Variants in RECQL observed in about 807,000 individuals in gnomAD.
The protein encoded by RECQL is RecQ like helicase, also known as ATP-dependent DNA helicase Q1.
RECQL carries 73 observed loss-of-function variants against 75.8 expected under a neutral mutation model. The ratio of observed to expected loss-of-function variants is 0.96; its 90% CI spans 0.80 to 1.17. The LOEUF (loss-of-function observed/expected upper bound fraction) is 1.17. Among genes scored for constraint, RECQL ranks in the 50% most tolerant of loss-of-function variants. The pLI, the probability that RECQL is intolerant of heterozygous loss-of-function variation, is 0.00. For synonymous variants in RECQL, 248 were observed against 254.4 expected, an observed-to-expected ratio of 0.97 and a Z score of 0.24; for missense variants, 699 against 772.1, an observed-to-expected ratio of 0.91 and a Z score of 1.12.
intron 7 of RECQL, 113 bp downstream of exon 7, chr12:21,477,690 G>A: frequency 2.6e-6 from 2 of 755,700 alleles, no homozygotes; most frequent in South Asian, 2.5e-5. Flanking sequence ...ACCTCCTAAT[G>A]TTAAAAATTT....
chr12:21,490,761 G>A (rs1181014235), intron 3 of RECQL, among the ~76,000 whole-genome samples: 1 of 152,076 alleles, frequency 6.6e-6, no homozygotes, highest in Admixed American at 6.5e-5. Flanking sequence ...GGCTGAGGAG[G>A]GAGGATTGCT....
chr12:21,498,608 A>C (rs916529369), intron 2 of RECQL, among the ~76,000 whole-genome samples: 1 of 152,192 alleles, frequency 6.6e-6, no homozygotes, highest in African/African-American at 2.4e-5. Context: ...GATCCTGACT[A>C]TTAAGGGGAA....
At position 21,501,487 on chromosome 12, in the gene RECQL, G is replaced by A. The variant is rs183492856; in HGVS notation, c.-363C>T. On this transcript the variant is annotated 5_prime_UTR_variant, in exon 1 of 15. Transcript: ENST00000444129. Reference sequence around the variant, plus strand: ...CCGAGAAGCCCGGTCTAACTCTCCGGTGTTTGACTGTCCGGTGTCCGACTG... The same window carrying A: ...CCGAGAAGCCCGGTCTAACTCTCCGATGTTTGACTGTCCGGTGTCCGACTG... 64 of 171,086 alleles carry A rather than the reference G, an allele frequency of 3.7e-4. No homozygotes were observed. Among genetic ancestry groups the A allele is most frequent in the Admixed American group, 1.0e-3 (16 of 15,966 alleles). 10.6% of individuals were successfully genotyped at this position (171,086 alleles called of 1,614,324 possible).
At chr12:21,497,316 T>C (rs1943526119) in intron 2 of RECQL, among the ~76,000 whole-genome samples, 1 of 151,814 alleles carries the variant, frequency 6.6e-6, no homozygotes, top group Admixed American at 6.6e-5. Context: ...TCAGTGTTAC[T>C]AAGGGAAAAA....
In RECQL at chr12:21,471,156, T is replaced by C; in HGVS notation, c.1668-58A>G. 9 of 1,480,638 alleles carry C rather than the reference T, an allele frequency of 6.1e-6. No homozygotes were observed. The South Asian group carries it at 1.2e-4, about 21-fold the overall frequency. The allele number at this position is 1,480,638 out of a possible 1,614,324, so 91.7% of individuals were successfully genotyped here. A position where few individuals can be genotyped will look rare whatever the true frequency, so the allele number is the denominator to read the frequency against. ...TTTTGAAGGAATCACGGAAAACAAA[T>C]TTATAAAAGAAATAACTATATGCGC... On this transcript the variant is annotated intron_variant, in intron 13 of 14. Transcript: ENST00000444129.
intron 2 of RECQL, among the ~76,000 whole-genome samples, chr12:21,494,887 T>C (rs1015958555): frequency 1.3e-5 from 2 of 152,168 alleles, no homozygotes; most frequent in Non-Finnish European, 2.9e-5. Flanking sequence ...ACGACAATGA[T>C]GGATTCCAAG....
rs142226004 is a variant in RECQL at position 21,473,573 on chromosome 12, G to A, written c.1425C>T (p.Cys475=). 25 of 1,612,198 alleles carry A rather than the reference G, an allele frequency of 1.6e-5. No individual in the cohort carries two copies. The highest frequency in any genetic ancestry group is 1.6e-4 in the Middle Eastern group (1 of 6,072). Residue 475 remains cysteine (C), a synonymous_variant, in exon 12 of 15, where the codon TGC becomes TGT. Transcript: ENST00000444129. The stretch of plus-strand genomic sequence containing the variant: ...CACCACTGTCTTTACAGCAGTTATC[G>A]CACATTTTGTTACATGCTTCTGAGT... ...VWNSEACNKM[C]DNCCKDSAFE... is the part of the protein sequence containing the mutation.
At chr12:21,477,092 GT>G (rs199669076) in intron 7 of RECQL, 100 bp from the exon 8 acceptor site, 13 of 741,694 alleles carry the variant, frequency 1.8e-5, no homozygotes, top group Middle Eastern at 2.6e-4. Flanking sequence ...TGACCATAGT[GT>G]TTTTTTTCCT....
chr12:21,481,918 G>T (rs1943199240), intron 6 of RECQL, among the ~76,000 whole-genome samples: 1 of 152,042 alleles, frequency 6.6e-6, no homozygotes, highest in African/African-American at 2.4e-5. Context: ...GAATGAAGAT[G>T]AGACCACTTG....
At chr12:21,497,022 C>T (rs1247148208) in intron 2 of RECQL, among the ~76,000 whole-genome samples, 1 of 152,164 alleles carries the variant, frequency 6.6e-6, no homozygotes, top group East Asian at 1.9e-4. Context: ...AAGCTCTTTG[C>T]CATTATCTAC....
In RECQL at chr12:21,486,591, A is replaced by C. The variant is rs777297872; in HGVS notation, c.395-6T>G. 1 of 1,557,620 alleles carries C rather than the reference A, an allele frequency of 6.4e-7. No homozygotes were observed. The highest frequency in any genetic ancestry group is 8.6e-7 in the Non-Finnish European group (1 of 1,156,614). ...GCAAATGACGAGTGTAAAACCTAAA[A>C]GAGAAAAAAAAAAAAATCTACCTTA... On this transcript the variant is annotated splice_polypyrimidine_tract_variant and splice_region_variant and intron_variant, in intron 4 of 14. Transcript: ENST00000444129.
At position 21,471,019 on chromosome 12, in the gene RECQL, C is replaced by A; in HGVS notation, c.1747G>T (p.Ala583Ser). 6 of 1,597,190 alleles carry A rather than the reference C, an allele frequency of 3.8e-6. No homozygotes were observed. Among genetic ancestry groups the A allele is most frequent in the Non-Finnish European group, 5.1e-6 (6 of 1,173,344 alleles). ...GPKANLLNNE[A>S]HAITMQVTKS... is the part of the protein sequence containing the mutation. Reference sequence around the variant, plus strand: ...GTCACTTGCATAGTAATAGCATGTGCCTCATTGTTCAGAAGATTAGCTTTA... The same window carrying A: ...GTCACTTGCATAGTAATAGCATGTGACTCATTGTTCAGAAGATTAGCTTTA... The change falls in exon 14 of 15, where the codon GCA becomes TCA. Residue 583 changes from alanine to serine, a missense_variant. Physicochemically the swap from Ala to Ser is moderately conservative, Grantham distance 99. Transcript: ENST00000444129.
chr12:21,486,117 A>G (rs532289246), intron 5 of RECQL, among the ~76,000 whole-genome samples: 1 of 152,306 alleles, frequency 6.6e-6, no homozygotes, highest in East Asian at 1.9e-4. Flanking sequence ...TCTCTATCAC[A>G]ACTACTCCAC....
At chr12:21,499,524 G>A in intron 2 of RECQL, 31 bp downstream of exon 2, 2 of 1,544,530 alleles carry the variant, frequency 1.3e-6, no homozygotes, top group Non-Finnish European at 8.8e-7. Context: ...TAGAACAGAA[G>A]GAAGAAGAAA....
intron 6 of RECQL, among the ~76,000 whole-genome samples, chr12:21,481,195 A>C (rs576239166): frequency 6.6e-6 from 1 of 152,344 alleles, no homozygotes; most frequent in South Asian, 2.1e-4. Flanking sequence ...GAGAAAGGAA[A>C]GGCGAAGAAA....
chr12:21,500,967 T>C (rs1943601132), intron 1 of RECQL, among the ~76,000 whole-genome samples: 1 of 152,192 alleles, frequency 6.6e-6, no homozygotes, highest in South Asian at 2.1e-4. Context: ...CTCAGCAGTA[T>C]AAGCTAGGCA....
intron 5 of RECQL, among the ~76,000 whole-genome samples, chr12:21,485,657 G>C (rs1007729290): frequency 4.0e-5 from 6 of 151,728 alleles, no homozygotes; most frequent in Non-Finnish European, 8.8e-5. Flanking sequence ...TTTAAAGTTA[G>C]AGATACGTAC....
At position 21,499,582 on chromosome 12, in the gene RECQL, C is replaced by A. The variant is rs764110240; in HGVS notation, c.-12G>T. ...GAAACGGACGCCATTCTTTTTCTTT[C>A]CAAATTTGTTTCTAAAATAATCCAA... On this transcript the variant is annotated 5_prime_UTR_variant, in exon 2 of 15. Coordinates refer to ENST00000444129, the MANE Select transcript of RECQL (RefSeq NM_002907.4). 5 of 1,588,358 alleles carry A rather than the reference C, an allele frequency of 3.1e-6. No individual in the cohort carries two copies. Among genetic ancestry groups the A allele is most frequent in the Admixed American group, 1.8e-5 (1 of 55,152 alleles).
At chr12:21,477,416 G>T (rs1469293251) in intron 7 of RECQL, among the ~76,000 whole-genome samples, 1 of 152,090 alleles carries the variant, frequency 6.6e-6, no homozygotes, top group Non-Finnish European at 1.5e-5. Flanking sequence ...AATAGAATTG[G>T]CAAATCTTTA....
Sources: gnomAD v4.1 joint callset for allele counts (sites outside exome capture counted in the v4.1 genomes callset) on GRCh38, gnomAD v4.1.1 for gene constraint, MANE v1.5 for transcripts, NCBI Gene and HGNC (gene_info 2026-07-23, HGNC 2026-07-21) for gene names.